The following PTPRN2 variants were observed in gnomAD, a reference collection of about 807,000 sequenced individuals.
The protein encoded by PTPRN2 is protein tyrosine phosphatase receptor type N2.
Under a neutral mutation model 118.8 loss-of-function variants are expected in PTPRN2, and 74 were observed. The observed-to-expected ratio is 0.62, with a 90% CI of 0.52 to 0.76. The LOEUF (loss-of-function observed/expected upper bound fraction) is 0.76, where lower values mean the gene tolerates loss of function less well. Ranked by LOEUF, PTPRN2 falls within the 30% of genes least tolerant of loss-of-function variation. The probability of loss-of-function intolerance (pLI) is 0.00; values close to 1 mark genes in which losing one functional copy is unlikely to be tolerated. For synonymous variants in PTPRN2, 641 were observed against 608.0 expected (o/e 1.05, Z -0.80); for missense variants, 1,481 against 1,394.4 (o/e 1.06, Z -0.99).
intron 2 of PTPRN2, among the ~76,000 whole-genome samples, chr7:158,473,410 A>C (rs1820014297): frequency 6.6e-6 from 1 of 152,212 alleles, no homozygotes; most frequent in Admixed American, 6.5e-5. Context: ...ATCCACGCCC[A>C]GGACAGCCGG....
At position 158,482,461 on chromosome 7, in the gene PTPRN2, A is replaced by G. The variant is rs531086873; in HGVS notation, c.163+7274T>C. On this transcript the variant is annotated intron_variant, in intron 2 of 22. Coordinates refer to ENST00000389418, the MANE Select transcript of PTPRN2 (RefSeq NM_002847.5). ...ATCAGCAGCCATTAACACTGCGGCAAGACCCTCCACCCGCAGGAAGATTAC... is the reference window on the plus strand; with the variant it reads ...ATCAGCAGCCATTAACACTGCGGCAGGACCCTCCACCCGCAGGAAGATTAC... Among the ~76,000 whole-genome samples, 3 of 152,374 alleles carry G rather than the reference A, an allele frequency of 2.0e-5. No homozygotes were observed. In the South Asian group the frequency reaches 6.2e-4, roughly 32 times the overall value.
chr7:157,551,772 C>CAA (rs1798633845), intron 21 of PTPRN2, among the ~76,000 whole-genome samples: 2 of 140,362 alleles, frequency 1.4e-5, no homozygotes, highest in African/African-American at 2.7e-5. Context: ...CCACCATGCA[C>CAA]CCCACAGCCA....
chr7:157,597,924 C>T (rs764313195), intron 16 of PTPRN2, among the ~76,000 whole-genome samples: 1 of 152,216 alleles, frequency 6.6e-6, no homozygotes, highest in Non-Finnish European at 1.5e-5. Flanking sequence ...ATTCCAGGCA[C>T]ATTCTGTTGA....
Position 157,824,543 on chromosome 7 carries a change from A to G in PTPRN2, c.1788+74130T>C, listed in dbSNP as rs150985069. The stretch of plus-strand genomic sequence containing the variant: ...CTTTGCTGACTCAAGGCTGCCACAC[A>G]GGCCCCCGGAAGAACTCGGTAGGAA... On this transcript the variant is annotated intron_variant, in intron 12 of 22. Transcript: ENST00000389418. Among the ~76,000 whole-genome samples the G allele has an allele frequency of 4.2e-3, 636 of 152,318 alleles. 4 individuals carry two copies. Among genetic ancestry groups the G allele is most frequent in the African/African-American group, 0.015 (609 of 41,570 alleles).
At chr7:158,008,830 T>C (rs1486355930) in intron 11 of PTPRN2, among the ~76,000 whole-genome samples, 1 of 152,232 alleles carries the variant, frequency 6.6e-6, no homozygotes, top group African/African-American at 2.4e-5. Context: ...CTAGTCATTG[T>C]AAGTTTGTTT....
chr7:158,262,321 C>T (rs199843347), intron 3 of PTPRN2, among the ~76,000 whole-genome samples: 1 of 150,838 alleles, frequency 6.6e-6, no homozygotes, highest in African/African-American at 2.4e-5. Flanking sequence ...ACTGCACACA[C>T]ATTCACACAC....
chr7:158,097,194 C>T (rs1814695179), intron 10 of PTPRN2, among the ~76,000 whole-genome samples: 1 of 152,092 alleles, frequency 6.6e-6, no homozygotes, highest in South Asian at 2.1e-4. Flanking sequence ...CCGGCAAACC[C>T]CAGGGACTTC....
chr7:158,413,484 C>G (rs987533283), intron 2 of PTPRN2, among the ~76,000 whole-genome samples: 2 of 152,254 alleles, frequency 1.3e-5, no homozygotes, highest in African/African-American at 4.8e-5. Context: ...AACTAGGAAA[C>G]TGGCCACTGT....
At chr7:158,045,810 G>A (rs57140269) in intron 11 of PTPRN2, among the ~76,000 whole-genome samples, 11,027 of 142,400 alleles carry the variant, frequency 0.077, 577 homozygotes, top group African/African-American at 0.15. Flanking sequence ...CGATCCTGGC[G>A]TCCTGACACT....
chr7:158,245,973 A>G (rs1162560740), intron 3 of PTPRN2, among the ~76,000 whole-genome samples: 1 of 152,038 alleles, frequency 6.6e-6, no homozygotes. Flanking sequence ...TCACTGAGAC[A>G]CAAATCAGGG....
chr7:158,203,110 T>C (rs929010079), intron 4 of PTPRN2, among the ~76,000 whole-genome samples: 6 of 150,822 alleles, frequency 4.0e-5, no homozygotes, highest in Non-Finnish European at 8.8e-5. Context: ...CGCGCACCTG[T>C]AGTCCCAGCT....
intron 1 of PTPRN2, among the ~76,000 whole-genome samples, chr7:158,498,201 CACAGAA>C (rs1332026151): frequency 7.2e-5 from 11 of 152,318 alleles, no homozygotes; most frequent in Middle Eastern, 3.4e-3. Flanking sequence ...ATCAGCTTCC[CACAGAA>C]AAAGAACCAG....
intron 1 of PTPRN2, among the ~76,000 whole-genome samples, chr7:158,521,190 T>C (rs1823965731): frequency 6.6e-6 from 1 of 152,318 alleles, no homozygotes; most frequent in African/African-American, 2.4e-5. Flanking sequence ...TATATTTTTT[T>C]CCCCAGTACT....
At chr7:157,551,132 G>A (rs909605698) in intron 21 of PTPRN2, among the ~76,000 whole-genome samples, 4 of 152,108 alleles carry the variant, frequency 2.6e-5, no homozygotes, top group African/African-American at 9.7e-5. Flanking sequence ...TCTGAGACAA[G>A]CTTGTCTTAT....
intron 2 of PTPRN2, among the ~76,000 whole-genome samples, chr7:158,422,103 A>T (rs1254450749): frequency 6.6e-6 from 1 of 152,254 alleles, no homozygotes; most frequent in Non-Finnish European, 1.5e-5. Flanking sequence ...ACTGAAAAGT[A>T]TCACTAAAAC....
At chr7:158,465,058 T>A (rs1038511455) in intron 2 of PTPRN2, among the ~76,000 whole-genome samples, 2 of 152,244 alleles carry the variant, frequency 1.3e-5, no homozygotes, top group African/African-American at 4.8e-5. Flanking sequence ...AGACTGGAGC[T>A]AAGCTGCTGA....
At position 157,929,129 on chromosome 7, in the gene PTPRN2, C is replaced by T. The variant is rs1799212711; in HGVS notation, c.1724-30392G>A. Among the ~76,000 whole-genome samples the T allele has an allele frequency of 6.6e-6, 1 of 152,264 alleles. No individual in the cohort carries two copies. The highest frequency in any genetic ancestry group is 2.1e-4 in the South Asian group (1 of 4,826). Reference sequence around the variant, plus strand: ...AGTGAAACGGTGAGACCATTCCTTCCACCCTTGTGTTTCCCTGGCATATGT... The same window carrying T: ...AGTGAAACGGTGAGACCATTCCTTCTACCCTTGTGTTTCCCTGGCATATGT... On this transcript the variant is annotated intron_variant, in intron 11 of 22. Transcript: ENST00000389418. The surrounding 1 kb of genome is among the most constrained non-coding windows in gnomAD (Gnocchi z 4.4).
rs1337717418 is a variant in PTPRN2, at chr7:157,629,218, C to A, written c.2197-7709G>T. ...TCCTGGGTCAGCCAATGCTGATTCA[C>A]CTGTTCCTGCAGACCCTGCTGCCAA... is the stretch of plus-strand genomic sequence containing the variant. On this transcript the variant is annotated intron_variant, in intron 14 of 22. Transcript: ENST00000389418. This position sits in a 1 kb window ranked among gnomAD's most constrained non-coding sequence, Gnocchi z 4.4. Among the ~76,000 whole-genome samples the A allele has an allele frequency of 1.3e-5, 2 of 152,112 alleles. No individual in the cohort carries two copies. Among genetic ancestry groups the A allele is most frequent in the Non-Finnish European group, 2.9e-5 (2 of 68,032 alleles).
At chr7:158,376,704 GCGGGGT>G (rs1810553289) in intron 2 of PTPRN2, among the ~76,000 whole-genome samples, 1 of 127,666 alleles carries the variant, frequency 7.8e-6, no homozygotes, top group African/African-American at 3.1e-5. Context: ...CGTCCTGCAC[GCGGGGT>G]CAGGGGACTC....
Sources: gnomAD v4.1 joint callset for allele counts (sites outside exome capture counted in the v4.1 genomes callset) on GRCh38, gnomAD v4.1.1 for gene constraint, Gnocchi (gnomAD v3.1) non-coding constraint, MANE v1.5 for transcripts, NCBI Gene and HGNC (gene_info 2026-07-23, HGNC 2026-07-21) for gene names.